DLAT: variants seen among roughly 807,000 people sequenced by gnomAD.
DLAT encodes dihydrolipoamide S-acetyltransferase, also known as dihydrolipoyllysine-residue acetyltransferase component of pyruvate dehydrogenase complex, mitochondrial.
Under a neutral mutation model 68.0 loss-of-function variants are expected in DLAT, and 43 were observed. That is an observed-to-expected ratio of 0.63 (90% confidence interval 0.50 to 0.81). The LOEUF (loss-of-function observed/expected upper bound fraction) is 0.81. DLAT is among the 40% of genes least tolerant of loss of function. DLAT has a pLI of 0.00. For synonymous variants in DLAT, 265 were observed against 288.6 expected (o/e 0.92, Z 0.83); for missense variants, 745 against 815.4 (o/e 0.91, Z 1.05).
At chr11:112,034,780 T>G (rs1555180267) in intron 5 of DLAT, among the ~76,000 whole-genome samples, 1 of 140,232 alleles carries the variant, frequency 7.1e-6, no homozygotes, top group East Asian at 2.0e-4. Context: ...CCGCTTTTTC[T>G]TTTTTTTTTT....
chr11:112,056,516 G>A (rs1450624122), intron 11 of DLAT, among the ~76,000 whole-genome samples: 3 of 152,154 alleles, frequency 2.0e-5, no homozygotes, highest in African/African-American at 2.4e-5. Flanking sequence ...GCATGTATCT[G>A]TAGTTTATTC....
At chr11:112,030,164 G>T in intron 4 of DLAT, 2 of 654,048 alleles carry the variant, frequency 3.1e-6, no homozygotes, top group South Asian at 2.7e-5. Context: ...AATCCTTTAT[G>T]ACCCTGTGGA....
intron 13 of DLAT, 45 bp from the exon 14 acceptor site, chr11:112,062,361 A>G: frequency 1.9e-6 from 3 of 1,608,518 alleles, no homozygotes; most frequent in Non-Finnish European, 2.5e-6. Flanking sequence ...GCTGAAATGC[A>G]GTATTTTCTT....
chr11:112,062,669 T>C lies in DLAT; in HGVS notation c.*134T>C, dbSNP rs1864710962. 1 of 1,056,798 alleles carries C rather than the reference T, an allele frequency of 9.5e-7. No individual in the cohort carries two copies. Among genetic ancestry groups the C allele is most frequent in the Non-Finnish European group, 1.4e-6 (1 of 723,820 alleles). The allele number at this position is 1,056,798 out of a possible 1,614,324, so 65.5% of individuals were successfully genotyped here. On this transcript the variant is annotated 3_prime_UTR_variant, in exon 14 of 14. Transcript: ENST00000280346. ...TTATTGAGTCTGTCCAGATAAGTTA[T>C]TTATAATGGGCATTACTGAATTTTT...
In DLAT at chr11:112,036,201, G is replaced by GTTTTTTTTTTTTT. The variant is rs1167345612; in HGVS notation, c.788-1055_788-1043dup. 1.1e-4 allele frequency among the ~76,000 whole-genome samples: 4 copies of GTTTTTTTTTTTTT among 36,480 alleles called. 1 individual carries two copies. Among genetic ancestry groups the GTTTTTTTTTTTTT allele is most frequent in the Admixed American group, 5.5e-4 (1 of 1,810 alleles). 23.9% of individuals were successfully genotyped at this position (36,480 alleles called of 152,430 possible). A position where few individuals can be genotyped will look rare whatever the true frequency, so the allele number is the denominator to read the frequency against. On this transcript the variant is annotated intron_variant, in intron 5 of 13. Transcript: ENST00000280346. ...TGTGTGTGTGTGTGTGTGTGTGTGT[G>GTTTTTTTTTTTTT]TTTTTTTTTTTTTTTTTTTTTTTTT...
intron 8 of DLAT, 86 bp from the exon 9 acceptor site, chr11:112,045,052 A>AAACTGC: frequency 2.8e-6 from 3 of 1,071,624 alleles, no homozygotes; most frequent in South Asian, 2.5e-5. Flanking sequence ...AAAAAAAAAA[A>AAACTGC]ACTGCATAGT....
chr11:112,037,516 G>A lies in DLAT; in HGVS notation c.975+56G>A, dbSNP rs1024526925. The A allele has an allele frequency of 5.1e-6, 8 of 1,558,818 alleles. No homozygotes were observed. The African/African-American group carries it at 9.6e-5, about 19-fold the overall frequency. ...TTACCTTGTTCATCTCTAAATTAAG[G>A]AGTTTTGATTAGATGATATCCTAGG... On this transcript the variant is annotated intron_variant, in intron 6 of 13. Coordinates refer to ENST00000280346, the MANE Select transcript of DLAT (RefSeq NM_001931.5).
intron 11 of DLAT, among the ~76,000 whole-genome samples, chr11:112,055,348 GT>G (rs1324826672): frequency 6.8e-6 from 1 of 146,490 alleles, no homozygotes; most frequent in Non-Finnish European, 1.5e-5. Flanking sequence ...GGTTCATGCC[GT>G]TCTCCTGCCT....
chr11:112,038,238 A>G (rs1862875034), intron 6 of DLAT, among the ~76,000 whole-genome samples: 1 of 151,878 alleles, frequency 6.6e-6, no homozygotes, highest in Non-Finnish European at 1.5e-5. Context: ...TTGCTCCGTC[A>G]CCCAGGCTGG....
intron 11 of DLAT, among the ~76,000 whole-genome samples, chr11:112,055,335 G>A (rs1056143575): frequency 2.1e-5 from 3 of 141,786 alleles, no homozygotes; most frequent in East Asian, 4.3e-4. Flanking sequence ...CCTCCGCCTC[G>A]TGGGTTCATG....
rs587716903 is a variant in DLAT at position 112,062,341 on chromosome 11, G to A, written c.1815-65G>A. On this transcript the variant is annotated intron_variant, in intron 13 of 13. Coordinates refer to ENST00000280346, the MANE Select transcript of DLAT (RefSeq NM_001931.5). The stretch of plus-strand genomic sequence containing the variant: ...TTATAGGGTAGGAGTGAGCATTTGG[G>A]TGGTTACTGGCTGAAATGCAGTATT... 9.4e-5 allele frequency: 148 copies of A among 1,571,324 alleles called. 2 individuals are homozygous for A. In the South Asian group the frequency reaches 1.6e-3, roughly 17 times the overall value.
intron 6 of DLAT, among the ~76,000 whole-genome samples, chr11:112,039,024 CTG>C (rs1194564291): frequency 1.3e-5 from 2 of 152,080 alleles, no homozygotes; most frequent in Non-Finnish European, 2.9e-5. Flanking sequence ...AATAAGGTAA[CTG>C]TTCTGTCTTT....
chr11:112,040,220 T>G (rs1170265627), intron 7 of DLAT, among the ~76,000 whole-genome samples: 1 of 152,208 alleles, frequency 6.6e-6, no homozygotes, highest in Non-Finnish European at 1.5e-5. Flanking sequence ...ACTAAGGTAC[T>G]TATTTGGAAT....
chr11:112,045,459 G>A (rs183472853), intron 9 of DLAT, among the ~76,000 whole-genome samples: 7 of 152,218 alleles, frequency 4.6e-5, no homozygotes, highest in African/African-American at 1.7e-4. Flanking sequence ...AGGCCAAAGC[G>A]GGCAGATCAC....
chr11:112,053,548 G>A (rs1229654014), intron 11 of DLAT, among the ~76,000 whole-genome samples: 8 of 152,030 alleles, frequency 5.3e-5, no homozygotes, highest in Admixed American at 2.6e-4. Flanking sequence ...CGCCTCCCGA[G>A]TTCAAGCAAT....
Position 112,026,303 on chromosome 11 carries a change from A to ATT in DLAT, c.381+4_381+5insTT. 1.1e-5 allele frequency: 15 copies of ATT among 1,351,096 alleles called. No homozygotes were observed. Among genetic ancestry groups the ATT allele is most frequent in the African/African-American group, 3.2e-5 (2 of 61,922 alleles). 83.7% of individuals were successfully genotyped at this position (1,351,096 alleles called of 1,614,324 possible). On this transcript the variant is annotated splice_donor_region_variant and intron_variant, in intron 2 of 13. Coordinates refer to ENST00000280346, the MANE Select transcript of DLAT (RefSeq NM_001931.5). ...TGAAGGTGACCTAATTGCAGAGGTA[A>ATT]GTTTTTTTTTTTTTTTTTAATTAAT...
intron 12 of DLAT, 117 bp from the exon 13 acceptor site, chr11:112,060,921 C>A: frequency 1.2e-6 from 1 of 819,124 alleles, no homozygotes; most frequent in Non-Finnish European, 1.9e-6. Flanking sequence ...GTATTCCATT[C>A]AGGCCTTTCT....
At chr11:112,061,214 T>G (rs2135167123) in intron 13 of DLAT, 40 bp downstream of exon 13, 2 of 1,610,828 alleles carry the variant, frequency 1.2e-6, no homozygotes, top group East Asian at 4.5e-5. Context: ...AGCTAATTTT[T>G]ATTACACTGT....
intron 4 of DLAT, 54 bp from the exon 5 acceptor site, chr11:112,033,350 T>G: frequency 8.1e-6 from 13 of 1,601,540 alleles, no homozygotes; most frequent in Non-Finnish European, 1.1e-5. Context: ...GCCAGACTTT[T>G]ATTATGTAGA....
Sources: gnomAD v4.1 joint callset for allele counts (sites outside exome capture counted in the v4.1 genomes callset) on GRCh38, gnomAD v4.1.1 for gene constraint, MANE v1.5 for transcripts, NCBI Gene and HGNC (gene_info 2026-07-23, HGNC 2026-07-21) for gene names.